The following EYA4 variants were observed in gnomAD, a reference collection of about 807,000 sequenced individuals.
EYA4 encodes the protein protein phosphatase EYA4.
Under a neutral mutation model 87.9 loss-of-function variants are expected in EYA4, and 31 were observed. That is an observed-to-expected ratio of 0.35 (90% CI 0.27 to 0.48). The LOEUF (loss-of-function observed/expected upper bound fraction) is 0.48. Among genes scored for constraint, EYA4 ranks in the 20% least tolerant of loss-of-function variants. EYA4 has a pLI of 0.99. For synonymous variants in EYA4, 263 were observed against 270.6 expected (o/e 0.97, Z 0.28); for missense variants, 678 against 761.4 (o/e 0.89, Z 1.29).
At chr6:133,375,097 G>A (rs1323787141) in intron 2 of EYA4, among the ~76,000 whole-genome samples, 1 of 151,964 alleles carries the variant, frequency 6.6e-6, no homozygotes, top group Admixed American at 6.6e-5. Context: ...TAACGTAAGT[G>A]AAAGATAGAA....
chr6:133,530,918 G>T lies in EYA4; in HGVS notation c.*2113G>T, dbSNP rs1309233685. 8.9e-7 allele frequency: 1 copy of T among 1,123,770 alleles called. No individual in the cohort carries two copies. Among genetic ancestry groups the T allele is most frequent in the Non-Finnish European group, 1.1e-6 (1 of 918,674 alleles). 69.6% of individuals were successfully genotyped at this position (1,123,770 alleles called of 1,614,324 possible). ...TAGCAGTTAAAAAAATTTAAATGTT[G>T]CCTTGATTATCAGTACTTAATTATG... is the stretch of plus-strand genomic sequence containing the variant. On this transcript the variant is annotated 3_prime_UTR_variant, in exon 20 of 20. Coordinates refer to ENST00000355286, the MANE Select transcript of EYA4 (RefSeq NM_004100.5).
intron 3 of EYA4, among the ~76,000 whole-genome samples, chr6:133,411,532 T>A (rs1476708883): frequency 1.3e-5 from 2 of 151,766 alleles, no homozygotes; most frequent in Admixed American, 1.3e-4. Flanking sequence ...TTTCCATATA[T>A]GTGTGTGTGT....
chr6:133,479,951 A>G (rs573915112), intron 11 of EYA4, among the ~76,000 whole-genome samples: 4 of 152,310 alleles, frequency 2.6e-5, no homozygotes, highest in African/African-American at 7.2e-5. Context: ...AGTTTTAGAT[A>G]TCTATGGGAC....
rs111752728 is a variant in EYA4, at chr6:133,476,057, A to G, written c.971-5406A>G. On this transcript the variant is annotated intron_variant, in intron 11 of 19. Coordinates refer to ENST00000355286, the MANE Select transcript of EYA4 (RefSeq NM_004100.5). ...AATAAAAAAGTATATATATTGGTGC[A>G]GTGATGGGCACCCGTAATCTCAGCT... Among the ~76,000 whole-genome samples, 52 of 152,218 alleles carry G rather than the reference A, an allele frequency of 3.4e-4. 1 individual carries two copies. Among genetic ancestry groups the G allele is most frequent in the African/African-American group, 1.2e-3 (51 of 41,550 alleles).
intron 3 of EYA4, among the ~76,000 whole-genome samples, chr6:133,397,136 G>A (rs1213511909): frequency 6.6e-6 from 1 of 152,202 alleles, no homozygotes; most frequent in African/African-American, 2.4e-5. Context: ...CCATGGCATG[G>A]CTGCCCAGAT....
intron 3 of EYA4, among the ~76,000 whole-genome samples, chr6:133,435,772 T>C (rs1359415742): frequency 1.3e-5 from 2 of 152,224 alleles, no homozygotes; most frequent in Admixed American, 1.3e-4. Context: ...ATCAGGATGC[T>C]TTATTACTTT....
rs890930075 is a variant in EYA4 at position 133,273,015 on chromosome 6, G to A, written c.-65-1701G>A. ...CTGGGTTAAGGCACCCGATGCTGAT[G>A]CTCATTAGACACCCCACTCTTGTTA... On this transcript the variant is annotated intron_variant, in intron 1 of 19. Coordinates refer to ENST00000355286, the MANE Select transcript of EYA4 (RefSeq NM_004100.5). 3.9e-4 allele frequency among the ~76,000 whole-genome samples: 59 copies of A among 150,616 alleles called. 1 individual carries two copies. The highest frequency in any genetic ancestry group is 1.4e-3 in the African/African-American group (59 of 40,716).
chr6:133,354,263 T>G (rs1783850250), intron 2 of EYA4, among the ~76,000 whole-genome samples: 1 of 152,126 alleles, frequency 6.6e-6, no homozygotes, highest in South Asian at 2.1e-4. Context: ...AACTATGAAT[T>G]CCAGAGAGGT....
chr6:133,249,710 A>G (rs1774730219), intron 1 of EYA4, among the ~76,000 whole-genome samples: 1 of 152,122 alleles, frequency 6.6e-6, no homozygotes, highest in African/African-American at 2.4e-5. Context: ...CCCTGCAAAT[A>G]TCTTTTCTAC....
At position 133,523,118 on chromosome 6, in the gene EYA4, T is replaced by C. The variant is rs1052000923; in HGVS notation, c.1679T>C (p.Leu560Pro). 6.2e-7 allele frequency: 1 copy of C among 1,612,170 alleles called. No individual in the cohort carries two copies. Among genetic ancestry groups the C allele is most frequent in the Non-Finnish European group, 8.5e-7 (1 of 1,178,550 alleles). Residue 560 changes from leucine (L) to proline (P), a missense_variant, in exon 18 of 20, where the codon CTA (leucine) becomes CCA (proline). Physicochemically the swap from Leu to Pro is moderately conservative, Grantham distance 98. Coordinates refer to ENST00000355286, the MANE Select transcript of EYA4 (RefSeq NM_004100.5). ...TQLIPALAKV[L>P]LYSLGGAFPI... Reference sequence around the variant, plus strand: ...CTGATCCCAGCACTTGCGAAGGTTCTACTCTATAGTTTAGGAGGTGCTTTC... The same window carrying C: ...CTGATCCCAGCACTTGCGAAGGTTCCACTCTATAGTTTAGGAGGTGCTTTC...
At chr6:133,381,949 AG>A (rs1440078095) in intron 2 of EYA4, among the ~76,000 whole-genome samples, 1 of 152,240 alleles carries the variant, frequency 6.6e-6, no homozygotes, top group Non-Finnish European at 1.5e-5. Context: ...CACTAGACTG[AG>A]AAAATGAAAA....
At chr6:133,469,735 C>T (rs1375957600) in intron 11 of EYA4, among the ~76,000 whole-genome samples, 2 of 151,802 alleles carry the variant, frequency 1.3e-5, no homozygotes, top group African/African-American at 2.4e-5. Flanking sequence ...AACTATAAAA[C>T]TTCTAGAAGA....
At chr6:133,448,274 T>C in intron 5 of EYA4, 95 bp downstream of exon 5, 1 of 936,754 alleles carries the variant, frequency 1.1e-6, no homozygotes, top group Non-Finnish European at 1.8e-6. Context: ...GCATCTCTTT[T>C]CTGTGTTCAG....
chr6:133,245,050 G>A (rs1262311643), intron 1 of EYA4: 1 of 152,100 alleles, frequency 6.6e-6, no homozygotes, highest in Non-Finnish European at 1.5e-5. Context: ...AGTAATTTAA[G>A]AATGCAAGTA....
chr6:133,529,826 A>G lies in EYA4; in HGVS notation c.*1021A>G, dbSNP rs577625750. On this transcript the variant is annotated 3_prime_UTR_variant, in exon 20 of 20. Coordinates refer to ENST00000355286, the MANE Select transcript of EYA4 (RefSeq NM_004100.5). ...CCCCTTCTACAGTTTTACTGGAGAAAACTAAGAGCCATATTCATGACAACT... is the reference window on the plus strand; with the variant it reads ...CCCCTTCTACAGTTTTACTGGAGAAGACTAAGAGCCATATTCATGACAACT... 2.0e-6 allele frequency: 2 copies of G among 985,406 alleles called. No individual in the cohort carries two copies. Among genetic ancestry groups the G allele is most frequent in the Middle Eastern group, 5.2e-4 (1 of 1,914 alleles). The allele number at this position is 985,406 out of a possible 1,614,324, so 61.0% of individuals were successfully genotyped here.
At chr6:133,484,376 C>T (rs1014293450) in intron 13 of EYA4, among the ~76,000 whole-genome samples, 1 of 152,160 alleles carries the variant, frequency 6.6e-6, no homozygotes, top group South Asian at 2.1e-4. Context: ...TGTCTTCTGA[C>T]AAGTAATGAT....
chr6:133,299,951 CTATCTATA>C (rs147615987), intron 2 of EYA4, among the ~76,000 whole-genome samples: 17,560 of 130,620 alleles, frequency 0.13, 1,265 homozygotes, highest in East Asian at 0.19. Flanking sequence ...ATCTATCTAT[CTATCTATA>C]TATATATATA....
At chr6:133,282,578 A>G (rs1401599456) in intron 2 of EYA4, among the ~76,000 whole-genome samples, 4 of 124,088 alleles carry the variant, frequency 3.2e-5, no homozygotes, top group Non-Finnish European at 4.8e-5. Context: ...TATATGACAC[A>G]TATGTGTGTG....
intron 2 of EYA4, among the ~76,000 whole-genome samples, chr6:133,363,650 T>C (rs1172099714): frequency 1.3e-5 from 2 of 148,548 alleles, no homozygotes; most frequent in African/African-American, 5.0e-5. Flanking sequence ...ATTTTTTTTG[T>C]ATTTTTAGTA....
Sources: allele counts gnomAD v4.1 joint callset (sites outside exome capture counted in the v4.1 genomes callset), GRCh38; gene constraint gnomAD v4.1.1; transcripts MANE v1.5; gene names NCBI Gene and HGNC (gene_info 2026-07-23, HGNC 2026-07-21).